KHDRBS2: variants seen among roughly 807,000 people sequenced by gnomAD.
The protein encoded by KHDRBS2 is KH domain-containing, RNA-binding, signal transduction-associated protein 2.
KHDRBS2 carries 26 observed loss-of-function variants against 44.3 expected under a neutral mutation model. The observed-to-expected ratio is 0.59, with a 90% confidence interval of 0.43 to 0.81. The LOEUF (loss-of-function observed/expected upper bound fraction) is 0.81, where lower values mean the gene tolerates loss of function less well. Among genes scored for constraint, KHDRBS2 ranks in the 40% least tolerant of loss-of-function variants. The probability of loss-of-function intolerance (pLI) is 0.00; values close to 1 mark genes in which losing one functional copy is unlikely to be tolerated. For missense variants in KHDRBS2, 476 were observed against 433.1 expected (o/e 1.10, Z -0.88); for synonymous variants, 194 against 151.1 (o/e 1.28, Z -2.08).
chr6:61,556,874 T>TA, the KHDRBS2 span, among the ~76,000 whole-genome samples: 16 of 12,858 alleles, frequency 1.2e-3, no homozygotes, highest in Non-Finnish European at 2.1e-3. Context: ...AAATTGAGAT[T>TA]TTTTTTTTTT....
chr6:61,900,275 T>C (rs1162399305), intron 5 of KHDRBS2, among the ~76,000 whole-genome samples: 4 of 152,118 alleles, frequency 2.6e-5, no homozygotes, highest in Non-Finnish European at 5.9e-5. Flanking sequence ...GCTATGTTGA[T>C]AGTGGTGGTT....
intron 3 of KHDRBS2, among the ~76,000 whole-genome samples, chr6:62,045,966 GAAAA>G (rs1787595798): frequency 7.0e-6 from 1 of 143,156 alleles, no homozygotes; most frequent in Non-Finnish European, 1.5e-5. Context: ...AAAAAAGAAA[GAAAA>G]AGAAAGAAAA....
intron 6 of KHDRBS2, among the ~76,000 whole-genome samples, chr6:61,771,664 C>T (rs956964436): frequency 6.6e-6 from 1 of 152,160 alleles, no homozygotes; most frequent in Non-Finnish European, 1.5e-5. Flanking sequence ...GCACCCAATA[C>T]AGGAGCACCC....
intron 1 of KHDRBS2, among the ~76,000 whole-genome samples, chr6:62,274,433 A>T (rs1840586544): frequency 6.6e-6 from 1 of 152,158 alleles, no homozygotes; most frequent in Admixed American, 6.5e-5. Context: ...AATTCTTAAC[A>T]TATTTTACAA....
the KHDRBS2 span, among the ~76,000 whole-genome samples, chr6:61,577,781 T>A: frequency 6.6e-6 from 1 of 152,204 alleles, no homozygotes; most frequent in South Asian, 2.1e-4. Flanking sequence ...TTATTGTAAC[T>A]GTTCTGGGGC....
intron 6 of KHDRBS2, among the ~76,000 whole-genome samples, chr6:61,846,325 A>G (rs1794396989): frequency 6.6e-6 from 1 of 152,258 alleles, no homozygotes; most frequent in South Asian, 2.1e-4. Flanking sequence ...GTAAATGTAT[A>G]AGTAAATCTA....
At chr6:62,156,225 AAAT>A (rs1377358900) in intron 2 of KHDRBS2, among the ~76,000 whole-genome samples, 1 of 152,182 alleles carries the variant, frequency 6.6e-6, no homozygotes, top group Non-Finnish European at 1.5e-5. Flanking sequence ...GCAAATATAA[AAAT>A]AATAAACATG....
At chr6:61,955,632 G>GTA (rs138911559) in intron 4 of KHDRBS2, among the ~76,000 whole-genome samples, 4,438 of 105,474 alleles carry the variant, frequency 0.042, 412 homozygotes, top group African/African-American at 0.13. Context: ...GCATACATGT[G>GTA]TATATACACG....
rs1389533786 is a variant in KHDRBS2, at chr6:61,997,016, C to A, written c.337-18804G>T. 3.3e-5 allele frequency among the ~76,000 whole-genome samples: 5 copies of A among 152,190 alleles called. No individual in the cohort carries two copies. In the South Asian group the frequency reaches 1.0e-3, roughly 32 times the overall value. ...CAGGCTGGTCTCAAACTCCTGACCT[C>A]GTGATCCGCCCACCTTGGCCTCCCA... On this transcript the variant is annotated intron_variant, in intron 3 of 8. Transcript: ENST00000281156.
At chr6:62,210,864 G>A (rs1828926463) in intron 1 of KHDRBS2, among the ~76,000 whole-genome samples, 1 of 152,080 alleles carries the variant, frequency 6.6e-6, no homozygotes, top group Non-Finnish European at 1.5e-5. Context: ...AAGAAAGTGA[G>A]GCTGAGTACA....
intron 3 of KHDRBS2, among the ~76,000 whole-genome samples, chr6:62,031,894 G>A (rs1238129116): frequency 6.6e-6 from 1 of 152,046 alleles, no homozygotes; most frequent in Non-Finnish European, 1.5e-5. Context: ...AACATAGGCA[G>A]TAGCCAAAAA....
At chr6:62,203,639 T>C (rs1191488684) in intron 1 of KHDRBS2, among the ~76,000 whole-genome samples, 1 of 152,078 alleles carries the variant, frequency 6.6e-6, no homozygotes, top group East Asian at 1.9e-4. Flanking sequence ...GGTTATCCAA[T>C]GCAGGTCAGG....
At chr6:61,730,955 AGAG>A (rs1461772491) in intron 7 of KHDRBS2, among the ~76,000 whole-genome samples, 1 of 152,014 alleles carries the variant, frequency 6.6e-6, no homozygotes, top group African/African-American at 2.4e-5. Flanking sequence ...TCACCAGAAG[AGAG>A]AATGTCCCTC....
At chr6:62,269,077 T>A (rs1839665057) in intron 1 of KHDRBS2, among the ~76,000 whole-genome samples, 1 of 152,000 alleles carries the variant, frequency 6.6e-6, no homozygotes, top group Non-Finnish European at 1.5e-5. Context: ...TTGACTATCT[T>A]GACAACACAT....
At chr6:62,194,480 CTTTTTTTTTTTTTTTTTTTTT>C (rs70996208) in intron 1 of KHDRBS2, among the ~76,000 whole-genome samples, 74 of 69,768 alleles carry the variant, frequency 1.1e-3, no homozygotes, top group African/African-American at 4.2e-3. Flanking sequence ...TCTTTTCTTC[CTTTTTTTTTTTTTTTTTTTTT>C]TTTTTTTTTT....
At chr6:61,996,094 T>G (rs1299221630) in intron 3 of KHDRBS2, among the ~76,000 whole-genome samples, 6 of 152,220 alleles carry the variant, frequency 3.9e-5, no homozygotes, top group Admixed American at 2.0e-4. Flanking sequence ...ACTGGCTATG[T>G]GAACTGTCCT....
intron 2 of KHDRBS2, among the ~76,000 whole-genome samples, chr6:62,105,018 G>A (rs1388885822): frequency 6.6e-6 from 1 of 152,020 alleles, no homozygotes; most frequent in East Asian, 1.9e-4. Context: ...ACAATGCTGT[G>A]TCTGTAAATT....
rs866943115 is a variant in KHDRBS2 at position 61,882,691 on chromosome 6, T to C, written c.810+11944A>G. ...AAAGCCTTTGGATCATAAGATATTA[T>C]AGAAAATAATCACAAAGATCTGTTT... On this transcript the variant is annotated intron_variant, in intron 6 of 8. Transcript: ENST00000281156. 2.6e-5 allele frequency among the ~76,000 whole-genome samples: 4 copies of C among 152,014 alleles called. No homozygotes were observed. In the South Asian group the frequency reaches 6.2e-4, roughly 24 times the overall value.
intron 3 of KHDRBS2, among the ~76,000 whole-genome samples, chr6:62,007,592 G>A (rs952066229): frequency 2.0e-5 from 3 of 152,006 alleles, no homozygotes; most frequent in African/African-American, 7.2e-5. Flanking sequence ...GAAACTAAAT[G>A]TATAATTAAT....
Sources: allele counts gnomAD v4.1 joint callset (sites outside exome capture counted in the v4.1 genomes callset), GRCh38; gene constraint gnomAD v4.1.1; transcripts MANE v1.5; gene names NCBI Gene and HGNC (gene_info 2026-07-23, HGNC 2026-07-21).